Variants in STK32B observed in about 807,000 individuals in gnomAD.
STK32B encodes the protein serine/threonine-protein kinase 32B.
STK32B carries 43 observed loss-of-function variants against 52.6 expected under a neutral mutation model. The ratio of observed to expected loss-of-function variants is 0.82; its 90% confidence interval spans 0.64 to 1.05. The LOEUF is 1.05. STK32B is among the 50% of genes least tolerant of loss of function. The probability of loss-of-function intolerance (pLI) is 0.00; values close to 1 mark genes in which losing one functional copy is unlikely to be tolerated. For synonymous variants in STK32B, 238 were observed against 204.3 expected, an observed-to-expected ratio of 1.17 and a Z score of -1.41; for missense variants, 621 against 534.6, an observed-to-expected ratio of 1.16 and a Z score of -1.59.
chr4:5,182,900 G>T (rs1445184273), intron 3 of STK32B, among the ~76,000 whole-genome samples: 1 of 152,154 alleles, frequency 6.6e-6, no homozygotes, highest in Non-Finnish European at 1.5e-5. Flanking sequence ...TGAGTGACCA[G>T]GTGTATTGTC....
At chr4:5,085,404 A>G (rs1261912852) in intron 1 of STK32B, among the ~76,000 whole-genome samples, 1 of 152,234 alleles carries the variant, frequency 6.6e-6, no homozygotes, top group African/African-American at 2.4e-5. Flanking sequence ...ATTGTGCAGT[A>G]AGGAGACATG....
In STK32B at chr4:5,061,465, C is replaced by A. The variant is rs529740569; in HGVS notation, c.52+9550C>A. On this transcript the variant is annotated intron_variant, in intron 1 of 11. Coordinates refer to ENST00000282908, the MANE Select transcript of STK32B (RefSeq NM_018401.3). ...TTTGGTAACCCTGTGGGTCTATTTC[C>A]ATTGTCTATTGTTTCATTATAAGCA... 1.3e-3 allele frequency among the ~76,000 whole-genome samples: 196 copies of A among 152,202 alleles called. 1 individual carries two copies. The highest frequency in any genetic ancestry group is 1.6e-3 in the Non-Finnish European group (106 of 68,012).
At position 5,058,923 on chromosome 4, in the gene STK32B, G is replaced by C. The variant is rs922537031; in HGVS notation, c.52+7008G>C. On this transcript the variant is annotated intron_variant, in intron 1 of 11. Coordinates refer to ENST00000282908, the MANE Select transcript of STK32B (RefSeq NM_018401.3). The surrounding 1 kb of genome is among the most constrained non-coding windows in gnomAD (Gnocchi z 4.8). ...GTGCCACCATGCCCAGCTAATTTTT[G>C]TATTTTTGGTAGAGATGGGGTTTCA... Among the ~76,000 whole-genome samples the C allele has an allele frequency of 2.0e-5, 3 of 151,676 alleles. No homozygotes were observed. Among genetic ancestry groups the C allele is most frequent in the Non-Finnish European group, 4.4e-5 (3 of 67,916 alleles).
At chr4:5,065,247 T>G (rs1396170394) in intron 1 of STK32B, among the ~76,000 whole-genome samples, 5 of 152,160 alleles carry the variant, frequency 3.3e-5, no homozygotes, top group Non-Finnish European at 5.9e-5. Context: ...AACTACTAAG[T>G]AGAGTCAAAG....
intron 7 of STK32B, among the ~76,000 whole-genome samples, chr4:5,449,968 G>A (rs564592634): frequency 1.3e-5 from 2 of 152,218 alleles, no homozygotes; most frequent in African/African-American, 2.4e-5. Flanking sequence ...ATAATAAAGT[G>A]TAGAATAAAT....
chr4:5,188,452 C>T (rs1484723161), intron 3 of STK32B, among the ~76,000 whole-genome samples: 4 of 152,136 alleles, frequency 2.6e-5, no homozygotes, highest in African/African-American at 7.2e-5. Flanking sequence ...GCCCCTTCTC[C>T]GACCCACCTC....
intron 3 of STK32B, among the ~76,000 whole-genome samples, chr4:5,254,256 T>C (rs1726147362): frequency 6.6e-6 from 1 of 152,214 alleles, no homozygotes; most frequent in Non-Finnish European, 1.5e-5. Context: ...TTTCCATTCC[T>C]AGTGTTCTTT....
At chr4:5,122,166 A>T (rs60614576) in intron 1 of STK32B, among the ~76,000 whole-genome samples, 39,993 of 151,950 alleles carry the variant, frequency 0.26, 5,554 homozygotes, top group East Asian at 0.41. Flanking sequence ...TCATTCACTT[A>T]TTCACTTCTT....
intron 3 of STK32B, among the ~76,000 whole-genome samples, chr4:5,310,152 C>A (rs1431550971): frequency 6.6e-6 from 1 of 152,074 alleles, no homozygotes; most frequent in Admixed American, 6.6e-5. Flanking sequence ...GGAAACAGAG[C>A]AAGACTCCAT....
intron 3 of STK32B, among the ~76,000 whole-genome samples, chr4:5,323,118 C>T (rs1045219909): frequency 2.0e-5 from 3 of 152,094 alleles, no homozygotes; most frequent in Non-Finnish European, 4.4e-5. Context: ...CCTCCCTTCT[C>T]GATTTTAGGA....
Position 5,394,341 on chromosome 4 carries a change from C to T in STK32B, c.435-3866C>T, listed in dbSNP as rs1228094746. On this transcript the variant is annotated intron_variant, in intron 4 of 11. Transcript: ENST00000282908. The surrounding 1 kb of genome is among the most constrained non-coding windows in gnomAD (Gnocchi z 4.2). Reference sequence around the variant, plus strand: ...CCCATCCATGCAATGCTCCTGATGCCCTTTCTGAACGTTCAAACCCGTTTT... The same window carrying T: ...CCCATCCATGCAATGCTCCTGATGCTCTTTCTGAACGTTCAAACCCGTTTT... Among the ~76,000 whole-genome samples the T allele has an allele frequency of 1.3e-5, 2 of 152,156 alleles. No homozygotes were observed. The highest frequency in any genetic ancestry group is 2.9e-5 in the Non-Finnish European group (2 of 68,034).
At chr4:5,130,700 G>T (rs1715714815) in intron 1 of STK32B, among the ~76,000 whole-genome samples, 1 of 152,064 alleles carries the variant, frequency 6.6e-6, no homozygotes, top group African/African-American at 2.4e-5. Flanking sequence ...CTTGAGCAAT[G>T]GTTTTTTAAG....
At chr4:5,239,094 T>C (rs1385326615) in intron 3 of STK32B, among the ~76,000 whole-genome samples, 1 of 152,078 alleles carries the variant, frequency 6.6e-6, no homozygotes, top group East Asian at 1.9e-4. Flanking sequence ...GCAGGAGCAG[T>C]GCATGGGAAG....
chr4:5,114,383 T>C (rs1384482609), intron 1 of STK32B, among the ~76,000 whole-genome samples: 1 of 151,970 alleles, frequency 6.6e-6, no homozygotes, highest in African/African-American at 2.4e-5. Flanking sequence ...AACATCTTCT[T>C]ATAGCACCCC....
intron 3 of STK32B, among the ~76,000 whole-genome samples, chr4:5,263,363 G>C (rs192459055): frequency 7.5e-4 from 114 of 152,216 alleles, no homozygotes; most frequent in African/African-American, 2.6e-3. Context: ...ATTCTGCCCA[G>C]TCTCCTAAAG....
intron 5 of STK32B, among the ~76,000 whole-genome samples, chr4:5,405,097 A>C (rs1395375859): frequency 6.6e-6 from 1 of 151,642 alleles, no homozygotes; most frequent in Non-Finnish European, 1.5e-5. Flanking sequence ...CAATCTCTTG[A>C]CCTCATGATC....
At chr4:5,448,263 A>G (rs964700540) in intron 7 of STK32B, among the ~76,000 whole-genome samples, 1 of 152,254 alleles carries the variant, frequency 6.6e-6, no homozygotes, top group Non-Finnish European at 1.5e-5. Context: ...AAAAGAATTA[A>G]TGTCCCGCAG....
At chr4:5,115,638 A>C (rs901378821) in intron 1 of STK32B, among the ~76,000 whole-genome samples, 1 of 151,130 alleles carries the variant, frequency 6.6e-6, no homozygotes, top group Non-Finnish European at 1.5e-5. Context: ...AGTGCAGAGA[A>C]GCTCCTGACC....
chr4:5,179,366 C>T (rs1003753252), intron 3 of STK32B, among the ~76,000 whole-genome samples: 2 of 152,138 alleles, frequency 1.3e-5, no homozygotes, highest in Admixed American at 1.3e-4. Flanking sequence ...TGGGTGGGGA[C>T]ACAGCCAAAC....
Sources: allele counts gnomAD v4.1 joint callset (sites outside exome capture counted in the v4.1 genomes callset), GRCh38; gene constraint gnomAD v4.1.1; non-coding constraint Gnocchi (gnomAD v3.1); transcripts MANE v1.5; gene names NCBI Gene and HGNC (gene_info 2026-07-23, HGNC 2026-07-21).